Variants in CD109 observed in about 807,000 individuals in gnomAD.
The protein encoded by CD109 is CD109 antigen.
CD109 carries 149 observed loss-of-function variants against 165.8 expected under a neutral mutation model. That is an observed-to-expected ratio of 0.90 (90% CI 0.79 to 1.03). The LOEUF is 1.03. Among genes scored for constraint, CD109 ranks in the 50% least tolerant of loss-of-function variants. The pLI, the probability that CD109 is intolerant of heterozygous loss-of-function variation, is 0.00. For synonymous variants in CD109, 585 were observed against 592.1 expected, an observed-to-expected ratio of 0.99 and a Z score of 0.18; for missense variants, 1,712 against 1,677.8, an observed-to-expected ratio of 1.02 and a Z score of -0.36.
At position 73,766,984 on chromosome 6, in the gene CD109, A is replaced by G; in HGVS notation, c.1471A>G (p.Lys491Glu). 6.2e-7 allele frequency: 1 copy of G among 1,613,802 alleles called. No individual in the cohort carries two copies. Among genetic ancestry groups the G allele is most frequent in the African/African-American group, 1.3e-5 (1 of 75,030 alleles). The change falls in exon 13 of 33, where the codon AAA becomes GAA. Residue 491 changes from lysine (K) to glutamate (E), a missense_variant. By Grantham distance (56) the Lys-to-Glu change is moderately conservative (BLOSUM62 1). Coordinates refer to ENST00000287097, the MANE Select transcript of CD109 (RefSeq NM_133493.5). ...TTTTGAGTTGGTGGTTAGTGGCAAC[A>G]AACGATTGAAGGAGTTAAGCTATAT... ...SPFELVVSGN[K>E]RLKELSYMVV...
chr6:73,783,890 CA>C (rs948531294), intron 19 of CD109, 66 bp downstream of exon 19: 1 of 841,142 alleles, frequency 1.2e-6, no homozygotes, highest in Non-Finnish European at 1.9e-6. Context: ...GTCAGCTCCT[CA>C]ATTTTTTTTT....
At chr6:73,696,956 T>C (rs1370592962) in intron 1 of CD109, among the ~76,000 whole-genome samples, 1 of 152,166 alleles carries the variant, frequency 6.6e-6, no homozygotes, top group African/African-American at 2.4e-5. Flanking sequence ...TACTCAAGGA[T>C]AAAGGTTTGA....
chr6:73,730,292 T>C lies in CD109; in HGVS notation c.277-52T>C, dbSNP rs986994902. 5.5e-5 allele frequency: 63 copies of C among 1,137,158 alleles called. No individual in the cohort carries two copies. In the East Asian group the frequency reaches 1.5e-3, roughly 27 times the overall value. 70.4% of individuals were successfully genotyped at this position (1,137,158 alleles called of 1,614,324 possible). ...TTTATTCTAACTTGCAATTAAAACA[T>C]TTTTGAGGTAAAATAATGAGACCTT... is the stretch of plus-strand genomic sequence containing the variant. On this transcript the variant is annotated intron_variant, in intron 3 of 32. Transcript: ENST00000287097.
intron 31 of CD109, among the ~76,000 whole-genome samples, chr6:73,819,208 A>G (rs1482163977): frequency 6.6e-6 from 1 of 152,236 alleles, no homozygotes; most frequent in Non-Finnish European, 1.5e-5. Context: ...AGGGGTTCAT[A>G]TTCTTACCTT....
upstream of CD109, among the ~76,000 whole-genome samples, chr6:73,692,933 A>G (rs921936279): frequency 2.0e-5 from 3 of 152,212 alleles, no homozygotes; most frequent in Non-Finnish European, 4.4e-5. Flanking sequence ...TAAATTACCC[A>G]GTCTCAGGTA....
rs1772547495 is a variant in CD109 at position 73,736,433 on chromosome 6, T to G, written c.558T>G (p.Leu186=). The G allele has an allele frequency of 1.2e-6, 2 of 1,613,848 alleles. No homozygotes were observed. ...AGTGGTTGTCACAACAAAGTGATCTTGGAGTCATTTCCAAAACTTTTCAGC... is the reference window on the plus strand; with the variant it reads ...AGTGGTTGTCACAACAAAGTGATCTGGGAGTCATTTCCAAAACTTTTCAGC... The part of the protein sequence containing the change: ...IQQWLSQQSD[L]GVISKTFQLS... Residue 186 remains leucine, a synonymous_variant, in exon 5 of 33, where the codon CTT becomes CTG. Coordinates refer to ENST00000287097, the MANE Select transcript of CD109 (RefSeq NM_133493.5).
chr6:73,796,099 TTCAAGCATGATTGC>T (rs1053463216), intron 23 of CD109, among the ~76,000 whole-genome samples: 1 of 152,204 alleles, frequency 6.6e-6, no homozygotes, highest in African/African-American at 2.4e-5. Context: ...AATTGTTCCA[TTCAAGCATGATTGC>T]TCACTGGACT....
intron 2 of CD109, among the ~76,000 whole-genome samples, chr6:73,717,350 A>G (rs1198516335): frequency 2.0e-5 from 3 of 151,978 alleles, no homozygotes; most frequent in Admixed American, 6.6e-5. Flanking sequence ...CATTAAATCT[A>G]TAGATTGCTT....
intron 24 of CD109, among the ~76,000 whole-genome samples, chr6:73,803,603 A>G (rs1775457995): frequency 6.6e-6 from 1 of 151,726 alleles, no homozygotes; most frequent in Non-Finnish European, 1.5e-5. Flanking sequence ...TCAGTTAGAA[A>G]TGCCGGGTGA....
At chr6:73,726,926 G>A (rs1772160389) in intron 3 of CD109, among the ~76,000 whole-genome samples, 1 of 152,182 alleles carries the variant, frequency 6.6e-6, no homozygotes, top group African/African-American at 2.4e-5. Flanking sequence ...CAAAATCTCT[G>A]TGGGTAAATA....
intron 11 of CD109, 84 bp from the exon 12 acceptor site, chr6:73,766,675 T>C: frequency 1.0e-6 from 1 of 990,928 alleles, no homozygotes; most frequent in South Asian, 1.5e-5. Flanking sequence ...GAATTTGGTC[T>C]TTAATAATTG....
chr6:73,786,189 G>T (rs1774685358), intron 20 of CD109, among the ~76,000 whole-genome samples: 2 of 152,230 alleles, frequency 1.3e-5, no homozygotes, highest in East Asian at 3.9e-4. Flanking sequence ...TTCACTATTG[G>T]ATTCACGTAC....
chr6:73,806,894 A>G lies in CD109; in HGVS notation c.3011A>G (p.Asp1004Gly). 6.2e-7 allele frequency: 1 copy of G among 1,613,900 alleles called. No individual in the cohort carries two copies. Among genetic ancestry groups the G allele is most frequent in the Non-Finnish European group, 8.5e-7 (1 of 1,179,940 alleles). The change falls in exon 25 of 33, where the codon GAT becomes GGT. Residue 1004 changes from aspartate to glycine, a missense_variant. Transcript: ENST00000287097. ...RCFLEADPYI[D>G]IDQNVLHRTY... ...TTCCTTGAAGCCGATCCTTACATAGATATTGATCAGAATGTGTTACACAGA... is the reference window on the plus strand; with the variant it reads ...TTCCTTGAAGCCGATCCTTACATAGGTATTGATCAGAATGTGTTACACAGA...
At chr6:73,765,906 A>G (rs1304676298) in intron 10 of CD109, 24 bp from the exon 11 acceptor site, 1 of 1,503,080 alleles carries the variant, frequency 6.7e-7, no homozygotes, top group South Asian at 1.1e-5. Flanking sequence ...TTGTGTTTTT[A>G]AGATGTTTTG....
At chr6:73,797,487 TAGC>T in intron 23 of CD109, among the ~76,000 whole-genome samples, 1 of 152,336 alleles carries the variant, frequency 6.6e-6, no homozygotes, top group South Asian at 2.1e-4. Flanking sequence ...CTAGTGGCCA[TAGC>T]TTAAAAAACT....
chr6:73,823,406 A>G, intron 32 of CD109, 52 bp from the exon 33 acceptor site: 1 of 1,423,896 alleles, frequency 7.0e-7, no homozygotes, highest in Non-Finnish European at 9.6e-7. Flanking sequence ...TGGCAAAGTC[A>G]ATGTTTCTAA....
rs752346933 is a variant in CD109 at position 73,781,273 on chromosome 6, G to A, written c.1917G>A (p.Trp639Ter). The A allele has an allele frequency of 3.7e-6, 6 of 1,612,382 alleles. No homozygotes were observed. The highest frequency in any genetic ancestry group is 5.1e-6 in the Non-Finnish European group (6 of 1,178,684). Residue 639 changes from tryptophan (W) to a stop codon, truncating the protein, a stop_gained, in exon 17 of 33, where the codon TGG (tryptophan) becomes TGA (stop). Transcript: ENST00000287097. LOFTEE classifies it high-confidence loss of function. Reference sequence around the variant, plus strand: ...ATTCTTTTTAGGAATGTGGACTCTGGGTATTGACAGATGCAAACCTCACGA... The same window carrying A: ...ATTCTTTTTAGGAATGTGGACTCTGAGTATTGACAGATGCAAACCTCACGA... ...SFAVFQECGL[W>*]VLTDANLTKD...
At chr6:73,810,930 A>G in intron 27 of CD109, 62 bp from the exon 28 acceptor site, 1 of 1,494,846 alleles carries the variant, frequency 6.7e-7, no homozygotes, top group South Asian at 1.3e-5. Flanking sequence ...ATACTACTAA[A>G]TTTACTCTTT....
chr6:73,729,060 A>G (rs866900303), intron 3 of CD109, among the ~76,000 whole-genome samples: 13 of 152,316 alleles, frequency 8.5e-5, no homozygotes, highest in Middle Eastern at 3.4e-3. Context: ...CTAGGCTGAC[A>G]CGTGGTTGTT....
Sources: gnomAD v4.1 joint callset for allele counts (sites outside exome capture counted in the v4.1 genomes callset) on GRCh38, gnomAD v4.1.1 for gene constraint, MANE v1.5 for transcripts, NCBI Gene and HGNC (gene_info 2026-07-23, HGNC 2026-07-21) for gene names.